Variants in PLAG1 observed in about 807,000 individuals in gnomAD.
PLAG1 encodes the protein PLAG1 zinc finger.
Under a neutral mutation model 35.5 loss-of-function variants are expected in PLAG1, and 7 were observed. The observed-to-expected ratio is 0.20, with a 90% CI of 0.11 to 0.37. The LOEUF (loss-of-function observed/expected upper bound fraction) is 0.37, where lower values mean the gene tolerates loss of function less well. Ranked by LOEUF, PLAG1 falls within the 10% of genes least tolerant of loss-of-function variation. The pLI is 1.00. For missense variants in PLAG1, 454 were observed against 602.8 expected (o/e 0.75, Z 2.58); for synonymous variants, 229 against 225.4 (o/e 1.02, Z -0.14).
Position 56,161,966 on chromosome 8 carries a change from C to T in PLAG1, c.*4277G>A, listed in dbSNP as rs1811213863. The T allele has an allele frequency of 4.4e-6, 1 of 227,430 alleles. No homozygotes were observed. The highest frequency in any genetic ancestry group is 2.2e-5 in the African/African-American group (1 of 45,054). 14.1% of individuals were successfully genotyped at this position (227,430 alleles called of 1,614,324 possible). ...ATCAAAAGACACTGCCTTCCATCCT[C>T]AGAGGGTTGACAACATCATAGAAAG... On this transcript the variant is annotated 3_prime_UTR_variant, in exon 5 of 5. Coordinates refer to ENST00000316981, the MANE Select transcript of PLAG1 (RefSeq NM_002655.3).
Position 56,167,311 on chromosome 8 carries a change from T to C in PLAG1, c.435A>G (p.Ala145=), listed in dbSNP as rs1208845733. The change falls in exon 5 of 5, where the codon GCA becomes GCG. Residue 145 remains alanine (A), a synonymous_variant. Transcript: ENST00000316981. The surrounding 1 kb of genome is among the most constrained non-coding windows in gnomAD (Gnocchi z 5.9). ...GFKRHLALHA[A]TSGDLTCKVC... is the part of the protein sequence containing the mutation. ...CCTTACAGGTGAGGTCACCACTTGT[T>C]GCGGCATGCAAGGCCAAGTGACGTT... The C allele has an allele frequency of 1.2e-6, 2 of 1,614,062 alleles. No homozygotes were observed. Among genetic ancestry groups the C allele is most frequent in the South Asian group, 2.2e-5 (2 of 91,086 alleles).
chr8:56,193,940 G>A (rs13258395), intron 1 of PLAG1, among the ~76,000 whole-genome samples: 20,854 of 151,802 alleles, frequency 0.14, 1,753 homozygotes, highest in Middle Eastern at 0.2. Flanking sequence ...GGATGGTCTC[G>A]ATCTCTCGAC....
At chr8:56,192,728 T>C (rs929693348) in intron 1 of PLAG1, among the ~76,000 whole-genome samples, 1 of 152,244 alleles carries the variant, frequency 6.6e-6, no homozygotes, top group Non-Finnish European at 1.5e-5. Context: ...TAATTCAATA[T>C]GTATTTCTTC....
rs756692770 is a variant in PLAG1, at chr8:56,167,990, G to A, written c.242+38C>T. The A allele has an allele frequency of 8.6e-7, 1 of 1,157,440 alleles. No individual in the cohort carries two copies. The highest frequency in any genetic ancestry group is 1.5e-5 in the South Asian group (1 of 67,734). The allele number at this position is 1,157,440 out of a possible 1,614,324, so 71.7% of individuals were successfully genotyped here. On this transcript the variant is annotated intron_variant, in intron 4 of 4. Coordinates refer to ENST00000316981, the MANE Select transcript of PLAG1 (RefSeq NM_002655.3). The surrounding 1 kb of genome is among the most constrained non-coding windows in gnomAD (Gnocchi z 5.9). Reference sequence around the variant, plus strand: ...CAATGGCTTCAAACAGCCAACATAAGAGAAAATATAATCTGAAAGACAAAT... The same window carrying A: ...CAATGGCTTCAAACAGCCAACATAAAAGAAAATATAATCTGAAAGACAAAT...
chr8:56,188,956 G>T (rs888532411), intron 1 of PLAG1, among the ~76,000 whole-genome samples: 1 of 152,190 alleles, frequency 6.6e-6, no homozygotes, highest in Non-Finnish European at 1.5e-5. Flanking sequence ...ACAAAAAACA[G>T]CAAGGAAACT....
intron 2 of PLAG1, among the ~76,000 whole-genome samples, chr8:56,172,514 G>C (rs896857106): frequency 4.6e-5 from 7 of 152,134 alleles, no homozygotes; most frequent in Non-Finnish European, 8.8e-5. Flanking sequence ...TTACGAATAT[G>C]AAAGACCATT....
chr8:56,180,050 C>T (rs559750432), intron 1 of PLAG1, among the ~76,000 whole-genome samples: 4 of 152,214 alleles, frequency 2.6e-5, no homozygotes, highest in Middle Eastern at 3.4e-3. Context: ...CTTTATGATG[C>T]GATTATTGCT....
intron 1 of PLAG1, among the ~76,000 whole-genome samples, chr8:56,210,446 C>T (rs1198899632): frequency 6.6e-6 from 1 of 151,746 alleles, no homozygotes; most frequent in African/African-American, 2.4e-5. Flanking sequence ...TCACACCTCC[C>T]TGCAGACCCC....
chr8:56,199,014 A>G (rs1812466302), intron 1 of PLAG1, among the ~76,000 whole-genome samples: 1 of 152,254 alleles, frequency 6.6e-6, no homozygotes, highest in Non-Finnish European at 1.5e-5. Context: ...GAAAAGAGAC[A>G]TGGAGGCCCT....
intron 1 of PLAG1, among the ~76,000 whole-genome samples, chr8:56,195,319 T>C (rs181952430): frequency 1.1e-3 from 173 of 152,304 alleles, no homozygotes; most frequent in Non-Finnish European, 1.9e-3. Context: ...ACAATACCCA[T>C]GTTAGGGAGC....
rs980552654 is a variant in PLAG1, at chr8:56,177,948, G to A, written c.-217+1461C>T. 1.3e-5 allele frequency: 8 copies of A among 628,234 alleles called. No homozygotes were observed. The Admixed American group carries it at 2.5e-4, about 20-fold the overall frequency. The allele number at this position is 628,234 out of a possible 1,614,324, so 38.9% of individuals were successfully genotyped here. A position where few individuals can be genotyped will look rare whatever the true frequency, so the allele number is the denominator to read the frequency against. On this transcript the variant is annotated intron_variant, in intron 2 of 4. Coordinates refer to ENST00000316981, the MANE Select transcript of PLAG1 (RefSeq NM_002655.3). ...TTCGGCAGACCTCAAAAGCCAGGGA[G>A]TCTCAGGCACGTGCTACCCAGAGCC...
At chr8:56,203,984 G>C (rs1812630920) in intron 1 of PLAG1, among the ~76,000 whole-genome samples, 1 of 151,956 alleles carries the variant, frequency 6.6e-6, no homozygotes, top group South Asian at 2.1e-4. Context: ...AATAGGATAT[G>C]CTGGTTATAT....
chr8:56,208,398 T>A (rs796523542), intron 1 of PLAG1, among the ~76,000 whole-genome samples: 1 of 152,122 alleles, frequency 6.6e-6, no homozygotes, highest in African/African-American at 2.4e-5. Context: ...TCTTAGAAAG[T>A]TGTAATTGCT....
chr8:56,170,284 A>G (rs1332825176), intron 3 of PLAG1, among the ~76,000 whole-genome samples: 1 of 152,192 alleles, frequency 6.6e-6, no homozygotes, highest in Non-Finnish European at 1.5e-5. Context: ...TGCAACTGAC[A>G]TTACCAATGG....
rs1326478229 is a variant in PLAG1 at position 56,161,163 on chromosome 8, C to T, written c.*5080G>A. The T allele has an allele frequency of 5.2e-6, 1 of 192,320 alleles. No individual in the cohort carries two copies. The highest frequency in any genetic ancestry group is 2.3e-5 in the African/African-American group (1 of 43,030). The allele number at this position is 192,320 out of a possible 1,614,324, so 11.9% of individuals were successfully genotyped here. On this transcript the variant is annotated 3_prime_UTR_variant, in exon 5 of 5. Coordinates refer to ENST00000316981, the MANE Select transcript of PLAG1 (RefSeq NM_002655.3). ...CTTATACACACACAAAAAATATGAT[C>T]TTTGTCTATATTTTATACAAATACA...
At position 56,165,104 on chromosome 8, in the gene PLAG1, T is replaced by C. The variant is rs1004798042; in HGVS notation, c.*1139A>G. The C allele has an allele frequency of 9.6e-6, 2 of 208,500 alleles. No homozygotes were observed. Among genetic ancestry groups the C allele is most frequent in the African/African-American group, 4.5e-5 (2 of 43,960 alleles). 12.9% of individuals were successfully genotyped at this position (208,500 alleles called of 1,614,324 possible). On this transcript the variant is annotated 3_prime_UTR_variant, in exon 5 of 5. Transcript: ENST00000316981. ...TTGATTCTTAAGGGAAAGAAAAACA[T>C]ATCAAATTCAGCAAGAAATGATATA...
chr8:56,167,584 C>T lies in PLAG1; in HGVS notation c.243-81G>A. 1.2e-6 allele frequency: 1 copy of T among 821,812 alleles called. No homozygotes were observed. Among genetic ancestry groups the T allele is most frequent in the Non-Finnish European group, 1.9e-6 (1 of 523,676 alleles). 50.9% of individuals were successfully genotyped at this position (821,812 alleles called of 1,614,324 possible). On this transcript the variant is annotated intron_variant, in intron 4 of 4. Transcript: ENST00000316981. This position sits in a 1 kb window ranked among gnomAD's most constrained non-coding sequence, Gnocchi z 5.9. ...CACTTTTCAAATGGAAGCTAAACTA[C>T]TATGCTAACACAGAATTCCCTTAGT...
At chr8:56,191,808 G>GAAA (rs111540638) in intron 1 of PLAG1, among the ~76,000 whole-genome samples, 1 of 110,708 alleles carries the variant, frequency 9.0e-6, no homozygotes, top group Non-Finnish European at 2.0e-5. Context: ...TAAAACACAG[G>GAAA]AAAAAAAAAA....
chr8:56,194,602 T>A (rs144426420), intron 1 of PLAG1, among the ~76,000 whole-genome samples: 31 of 151,708 alleles, frequency 2.0e-4, no homozygotes, highest in East Asian at 1.9e-3. Context: ...TGTGAATGTA[T>A]GTGTGTTTGT....
Sources: gnomAD v4.1 joint callset for allele counts (sites outside exome capture counted in the v4.1 genomes callset) on GRCh38, gnomAD v4.1.1 for gene constraint, Gnocchi (gnomAD v3.1) non-coding constraint, MANE v1.5 for transcripts, NCBI Gene and HGNC (gene_info 2026-07-23, HGNC 2026-07-21) for gene names.